LDHC: variants seen among roughly 807,000 people sequenced by gnomAD.
The protein encoded by LDHC is L-lactate dehydrogenase C chain.
Under a neutral mutation model 30.2 loss-of-function variants are expected in LDHC, and 20 were observed. That is an observed-to-expected ratio of 0.66 (90% CI 0.47 to 0.96). LDHC has a LOEUF of 0.96. Among genes scored for constraint, LDHC ranks in the 40% least tolerant of loss-of-function variants. The pLI is 0.00. For synonymous variants in LDHC, 139 were observed against 132.7 expected, an observed-to-expected ratio of 1.05 and a Z score of -0.32; for missense variants, 362 against 394.9, an observed-to-expected ratio of 0.92 and a Z score of 0.71.
At chr11:18,436,019 C>T (rs541547303) in intron 5 of LDHC, among the ~76,000 whole-genome samples, 15 of 152,220 alleles carry the variant, frequency 9.9e-5, no homozygotes, top group African/African-American at 3.6e-4. Flanking sequence ...AGAATAAAGA[C>T]CATTTGTTCA....
intron 3 of LDHC, among the ~76,000 whole-genome samples, chr11:18,416,183 T>C (rs1867020144): frequency 6.6e-6 from 1 of 152,214 alleles, no homozygotes; most frequent in Non-Finnish European, 1.5e-5. Flanking sequence ...CATTTTGTCT[T>C]ATATATTTTC....
intron 6 of LDHC, among the ~76,000 whole-genome samples, chr11:18,438,994 G>C (rs116187132): frequency 6.6e-6 from 1 of 152,084 alleles, no homozygotes; most frequent in Admixed American, 6.6e-5. Context: ...ACTTATCTTC[G>C]AAATGGGGAT....
intron 3 of LDHC, 73 bp from the exon 4 acceptor site, chr11:18,429,664 A>C: frequency 2.5e-6 from 2 of 794,954 alleles, no homozygotes; most frequent in Non-Finnish European, 4.0e-6. Flanking sequence ...AACATACAAT[A>C]GAGTTTTAAG....
At chr11:18,438,754 C>A in intron 6 of LDHC, 109 bp downstream of exon 6, 1 of 591,022 alleles carries the variant, frequency 1.7e-6, no homozygotes, top group South Asian at 2.2e-5. Context: ...ATAAATAACT[C>A]TAGGCTCCTG....
At position 18,438,603 on chromosome 11, in the gene LDHC, A is replaced by T. The variant is rs761731055; in HGVS notation, c.668A>T (p.Asp223Val). 6 of 1,612,044 alleles carry T rather than the reference A, an allele frequency of 3.7e-6. No individual in the cohort carries two copies. In the East Asian group the frequency reaches 1.3e-4, roughly 36 times the overall value. ...GACCCTAAATTAGGAACGGATTCAG[A>T]TAAGGAACACTGGAAAAATATCCAT... ...TLDPKLGTDS[D>V]KEHWKNIHKQ... The change falls in exon 6 of 8, where the codon GAT (aspartate) becomes GTT (valine). Residue 223 changes from aspartate to valine, a missense_variant. Physicochemically the swap from Asp to Val is radical, Grantham distance 152 (BLOSUM62 -3). Transcript: ENST00000541669.
intron 1 of LDHC, 80 bp downstream of exon 1, chr11:18,412,488 G>C (rs1866908955): frequency 2.1e-6 from 1 of 467,460 alleles, no homozygotes; most frequent in African/African-American, 2.0e-5. Flanking sequence ...TGGGGTGAAA[G>C]TGGTGGCTGG....
chr11:18,425,720 A>T lies in LDHC; in HGVS notation c.245-4017A>T, dbSNP rs541477227. On this transcript the variant is annotated intron_variant, in intron 3 of 7. Transcript: ENST00000541669. The stretch of plus-strand genomic sequence containing the variant: ...TTTGGGAGGCTGAGGTGGGTGGATC[A>T]CAAGGTCAGGAGATCAAGACCATCC... Among the ~76,000 whole-genome samples, 9 of 152,078 alleles carry T rather than the reference A, an allele frequency of 5.9e-5. No homozygotes were observed. In the East Asian group the frequency reaches 1.7e-3, roughly 30 times the overall value.
At chr11:18,412,643 A>G in intron 1 of LDHC, 66 bp from the exon 2 acceptor site, 1 of 1,437,276 alleles carries the variant, frequency 7.0e-7, no homozygotes, top group Non-Finnish European at 9.5e-7. Flanking sequence ...CATTCTGCAA[A>G]CTGAAGAGGT....
At chr11:18,415,989 C>T (rs926014769) in intron 3 of LDHC, among the ~76,000 whole-genome samples, 25 of 152,252 alleles carry the variant, frequency 1.6e-4, no homozygotes, top group African/African-American at 5.5e-4. Context: ...GCTGCGGTGC[C>T]CAGCCGGGCC....
intron 3 of LDHC, among the ~76,000 whole-genome samples, chr11:18,415,784 C>G (rs1043858361): frequency 2.0e-5 from 3 of 152,082 alleles, no homozygotes; most frequent in African/African-American, 7.2e-5. Context: ...CCTCCGCCAC[C>G]TGGGTTCAAG....
intron 3 of LDHC, among the ~76,000 whole-genome samples, chr11:18,423,558 A>C (rs1364021581): frequency 6.6e-6 from 1 of 152,224 alleles, no homozygotes; most frequent in Admixed American, 6.6e-5. Flanking sequence ...TACCACACAC[A>C]AAAATCAAAG....
chr11:18,418,652 C>T (rs1021404634), intron 3 of LDHC, among the ~76,000 whole-genome samples: 1 of 151,940 alleles, frequency 6.6e-6, no homozygotes, highest in Non-Finnish European at 1.5e-5. Flanking sequence ...GTCTCGAATG[C>T]CTGACCTCAA....
chr11:18,429,498 T>C (rs1433675840), intron 3 of LDHC, among the ~76,000 whole-genome samples: 4 of 152,122 alleles, frequency 2.6e-5, no homozygotes, highest in South Asian at 2.1e-4. Flanking sequence ...AAAGGGGATG[T>C]TAGTTTCTAT....
intron 3 of LDHC, among the ~76,000 whole-genome samples, chr11:18,417,691 TAGA>T (rs1359665370): frequency 6.6e-6 from 1 of 152,210 alleles, no homozygotes; most frequent in Non-Finnish European, 1.5e-5. Context: ...TTCTCAAACC[TAGA>T]AGGACAATTT....
rs765603129 is a variant in LDHC, at chr11:18,450,943, T to C, written c.835-20T>C. 1.8e-5 allele frequency: 28 copies of C among 1,549,994 alleles called. No homozygotes were observed. Among genetic ancestry groups the C allele is most frequent in the Non-Finnish European group, 2.4e-5 (28 of 1,145,546 alleles). ...TTTCCATATCAGGTTATTTGAACAATATCTTATCTTGCCTTTCAGGGATTA... is the reference window on the plus strand; with the variant it reads ...TTTCCATATCAGGTTATTTGAACAACATCTTATCTTGCCTTTCAGGGATTA... On this transcript the variant is annotated intron_variant, in intron 7 of 7. Coordinates refer to ENST00000541669, the MANE Select transcript of LDHC (RefSeq NM_017448.5).
At chr11:18,443,463 T>C (rs1302266860) in intron 6 of LDHC, among the ~76,000 whole-genome samples, 6 of 146,368 alleles carry the variant, frequency 4.1e-5, no homozygotes, top group African/African-American at 1.3e-4. Context: ...TTTCTTTCTT[T>C]TTTTTTTTTT....
intron 7 of LDHC, among the ~76,000 whole-genome samples, chr11:18,448,048 CAAAAAAAAAAAAA>C (rs1218910663): frequency 6.9e-4 from 53 of 76,484 alleles, no homozygotes; most frequent in Non-Finnish European, 1.2e-3. Context: ...GACTCTGTCT[CAAAAAAAAAAAAA>C]AAAAAAAAGA....
At chr11:18,427,571 AAAAT>A (rs1848183054) in intron 3 of LDHC, among the ~76,000 whole-genome samples, 1 of 152,212 alleles carries the variant, frequency 6.6e-6, no homozygotes, top group Non-Finnish European at 1.5e-5. Context: ...TTTACAAAGA[AAAAT>A]AAATAACAGG....
At chr11:18,445,520 CA>C (rs1238005137) in intron 6 of LDHC, among the ~76,000 whole-genome samples, 1 of 151,946 alleles carries the variant, frequency 6.6e-6, no homozygotes, top group Non-Finnish European at 1.5e-5. Flanking sequence ...TTAAATGGTC[CA>C]AGAGATTTAT....
Sources: allele counts gnomAD v4.1 joint callset (sites outside exome capture counted in the v4.1 genomes callset), GRCh38; gene constraint gnomAD v4.1.1; transcripts MANE v1.5; gene names NCBI Gene and HGNC (gene_info 2026-07-23, HGNC 2026-07-21).